Variants in RBFOX3 observed in about 807,000 individuals in gnomAD.
RBFOX3 encodes RNA binding protein fox-1 homolog 3.
Under a neutral mutation model 48.7 loss-of-function variants are expected in RBFOX3, and 17 were observed. The ratio of observed to expected loss-of-function variants is 0.35; its 90% CI spans 0.24 to 0.52. RBFOX3 has a LOEUF of 0.52. Among genes scored for constraint, RBFOX3 ranks in the 20% least tolerant of loss-of-function variants. RBFOX3 has a pLI of 0.94. For synonymous variants in RBFOX3, 212 were observed against 209.5 expected, an observed-to-expected ratio of 1.01 and a Z score of -0.10; for missense variants, 382 against 497.5, an observed-to-expected ratio of 0.77 and a Z score of 2.21.
At chr17:79,400,093 G>A (rs146300164) in intron 2 of RBFOX3, among the ~76,000 whole-genome samples, 45 of 152,282 alleles carry the variant, frequency 3.0e-4, no homozygotes, top group African/African-American at 9.6e-4. Flanking sequence ...CAGGATTCTC[G>A]GGGAATGGGG....
At chr17:79,633,576 T>C in the RBFOX3 span, among the ~76,000 whole-genome samples, 1 of 150,702 alleles carries the variant, frequency 6.6e-6, no homozygotes, top group Non-Finnish European at 1.5e-5. Flanking sequence ...TGGGACTTGG[T>C]GCCAGCCAGA....
intron 4 of RBFOX3, among the ~76,000 whole-genome samples, chr17:79,185,516 C>A (rs932641257): frequency 6.6e-6 from 1 of 152,098 alleles, no homozygotes; most frequent in African/African-American, 2.4e-5. Flanking sequence ...GTTGTTCTTG[C>A]TTGTTCCAGA....
chr17:79,229,084 C>A (rs966221166), intron 4 of RBFOX3, among the ~76,000 whole-genome samples: 21 of 150,880 alleles, frequency 1.4e-4, no homozygotes, highest in African/African-American at 4.9e-4. Flanking sequence ...AAAAAAGTAG[C>A]CAGGCGTGGT....
chr17:79,525,969 C>T (rs1653727566), intron 1 of RBFOX3, among the ~76,000 whole-genome samples: 1 of 152,150 alleles, frequency 6.6e-6, no homozygotes, highest in Non-Finnish European at 1.5e-5. Flanking sequence ...CCGCCACCCC[C>T]GACGGCCATT....
At chr17:79,431,921 C>T (rs972250846) in intron 2 of RBFOX3, among the ~76,000 whole-genome samples, 1 of 152,244 alleles carries the variant, frequency 6.6e-6, no homozygotes, top group Non-Finnish European at 1.5e-5. Context: ...TCTTCCCAAA[C>T]TGAAATTCTG....
chr17:79,508,376 C>T (rs1412788864), intron 1 of RBFOX3, among the ~76,000 whole-genome samples: 6 of 152,270 alleles, frequency 3.9e-5, no homozygotes, highest in Admixed American at 6.5e-5. Context: ...CGTCCTGAGC[C>T]GCCAGCCCAG....
At chr17:79,436,167 G>A (rs2069408684) in intron 2 of RBFOX3, among the ~76,000 whole-genome samples, 1 of 152,240 alleles carries the variant, frequency 6.6e-6, no homozygotes, top group Non-Finnish European at 1.5e-5. Context: ...GGCAGCCGCT[G>A]GGCATCTGCT....
the RBFOX3 span, among the ~76,000 whole-genome samples, chr17:79,627,591 C>T: frequency 3.3e-5 from 5 of 152,170 alleles, no homozygotes; most frequent in Non-Finnish European, 5.9e-5. Context: ...TAAGAGCCCG[C>T]GCCTCTCCAA....
At chr17:79,167,935 T>C (rs900652710) in intron 4 of RBFOX3, among the ~76,000 whole-genome samples, 1 of 152,160 alleles carries the variant, frequency 6.6e-6, no homozygotes, top group African/African-American at 2.4e-5. Flanking sequence ...AGGACAAAGA[T>C]GGGCCTCCCC....
At chr17:79,650,923 G>T in the RBFOX3 span, among the ~76,000 whole-genome samples, 1 of 152,194 alleles carries the variant, frequency 6.6e-6, no homozygotes, top group Non-Finnish European at 1.5e-5. Context: ...TCGTGGGGGT[G>T]ACAGGGTCCT....
intron 4 of RBFOX3, among the ~76,000 whole-genome samples, chr17:79,217,897 T>C (rs1442527814): frequency 4.7e-5 from 7 of 150,032 alleles, no homozygotes; most frequent in African/African-American, 1.7e-4. Flanking sequence ...CGGAAGGAGG[T>C]GCGGGGTGAG....
At chr17:79,129,343 C>T (rs559239176) in intron 4 of RBFOX3, among the ~76,000 whole-genome samples, 1 of 152,320 alleles carries the variant, frequency 6.6e-6, no homozygotes, top group African/African-American at 2.4e-5. Flanking sequence ...GATCTGAACC[C>T]AGGCCTGTTT....
At position 79,195,485 on chromosome 17, in the gene RBFOX3, T is replaced by A. The variant is rs562726777; in HGVS notation, c.-34+40281A>T. Among the ~76,000 whole-genome samples, 1 of 152,120 alleles carries A rather than the reference T, an allele frequency of 6.6e-6. No individual in the cohort carries two copies. The highest frequency in any genetic ancestry group is 2.4e-5 in the African/African-American group (1 of 41,416). ...GAGTAAGGCCGCACGCAAGTCTGTG[T>A]GGGCAGGAAGCCTGCCCTGATCTCC... is the stretch of plus-strand genomic sequence containing the variant. On this transcript the variant is annotated intron_variant, in intron 4 of 14. Transcript: ENST00000693108. This position sits in a 1 kb window ranked among gnomAD's most constrained non-coding sequence, Gnocchi z 5.3.
chr17:79,095,472 T>C lies in RBFOX3; in HGVS notation c.998+41A>G, dbSNP rs768967893. The C allele has an allele frequency of 3.7e-5, 56 of 1,526,712 alleles. No individual in the cohort carries two copies. In the South Asian group the frequency reaches 6.0e-4, roughly 16 times the overall value. 94.6% of individuals were successfully genotyped at this position (1,526,712 alleles called of 1,614,324 possible). A position where few individuals can be genotyped will look rare whatever the true frequency, so the allele number is the denominator to read the frequency against. On this transcript the variant is annotated intron_variant, in intron 13 of 14. Coordinates refer to ENST00000693108, the MANE Select transcript of RBFOX3 (RefSeq NM_001350451.2). The stretch of plus-strand genomic sequence containing the variant: ...TCCCCAGGGATCCTTGTCCATCTTC[T>C]CCCCACCCTGCTCCAGAACAGTGCT...
intron 1 of RBFOX3, among the ~76,000 whole-genome samples, chr17:79,575,428 G>A (rs2092826205): frequency 6.6e-6 from 1 of 152,182 alleles, no homozygotes. Flanking sequence ...ATGGAAGTGG[G>A]TCGAGGTGCA....
At chr17:79,148,675 G>A (rs1006787230) in intron 4 of RBFOX3, among the ~76,000 whole-genome samples, 5 of 152,228 alleles carry the variant, frequency 3.3e-5, no homozygotes, top group Admixed American at 6.5e-5. Context: ...CTCAGTGCCC[G>A]ACATGAGGCA....
Position 79,442,795 on chromosome 17 carries a change from G to A in RBFOX3, c.-175+39659C>T, listed in dbSNP as rs183029933. Among the ~76,000 whole-genome samples the A allele has an allele frequency of 4.6e-5, 7 of 152,146 alleles. No homozygotes were observed. The East Asian group carries it at 1.4e-3, about 30-fold the overall frequency. ...GGTGAGGAGGGGAGAGAGGGTGAGGGGAGGACACCTCCCAGAAGAACCCCT... is the reference window on the plus strand; with the variant it reads ...GGTGAGGAGGGGAGAGAGGGTGAGGAGAGGACACCTCCCAGAAGAACCCCT... On this transcript the variant is annotated intron_variant, in intron 2 of 14. Coordinates refer to ENST00000693108, the MANE Select transcript of RBFOX3 (RefSeq NM_001350451.2).
In RBFOX3 at chr17:79,459,275, G is replaced by A. The variant is rs149611100; in HGVS notation, c.-175+23179C>T. ...CGAGGCTCTGGAGGCAGAGAGAGCT[G>A]CTGCTCTTCCACTAGCTGGTGCTGG... On this transcript the variant is annotated intron_variant, in intron 2 of 14. Transcript: ENST00000693108. 7.2e-5 allele frequency among the ~76,000 whole-genome samples: 11 copies of A among 152,304 alleles called. No individual in the cohort carries two copies. In the East Asian group the frequency reaches 2.1e-3, roughly 29 times the overall value.
At chr17:79,106,126 C>T (rs1455190407) in intron 6 of RBFOX3, among the ~76,000 whole-genome samples, 1 of 152,110 alleles carries the variant, frequency 6.6e-6, no homozygotes, top group Non-Finnish European at 1.5e-5. Flanking sequence ...AAGTTCCCCA[C>T]CTGGGGGCCC....
Sources: gnomAD v4.1 joint callset for allele counts (sites outside exome capture counted in the v4.1 genomes callset) on GRCh38, gnomAD v4.1.1 for gene constraint, Gnocchi (gnomAD v3.1) non-coding constraint, MANE v1.5 for transcripts, NCBI Gene and HGNC (gene_info 2026-07-23, HGNC 2026-07-21) for gene names.